CD38: variants seen among roughly 807,000 people sequenced by gnomAD.
The protein encoded by CD38 is CD38 molecule.
CD38 carries 31 observed loss-of-function variants against 36.3 expected under a neutral mutation model. The observed-to-expected ratio is 0.85, with a 90% CI of 0.64 to 1.15. The LOEUF is 1.15. Among genes scored for constraint, CD38 ranks in the 50% most tolerant of loss-of-function variants. CD38 has a pLI of 0.00. For synonymous variants in CD38, 131 were observed against 135.2 expected, an observed-to-expected ratio of 0.97 and a Z score of 0.22; for missense variants, 380 against 371.9, an observed-to-expected ratio of 1.02 and a Z score of -0.18.
At chr4:15,836,235 T>C (rs927712748) in intron 4 of CD38, among the ~76,000 whole-genome samples, 1 of 152,148 alleles carries the variant, frequency 6.6e-6, no homozygotes, top group Non-Finnish European at 1.5e-5. Context: ...AGATTCAATG[T>C]CTGGTGAGGG....
At chr4:15,836,229 T>G (rs1724067682) in intron 4 of CD38, among the ~76,000 whole-genome samples, 1 of 152,164 alleles carries the variant, frequency 6.6e-6, no homozygotes, top group South Asian at 2.1e-4. Flanking sequence ...GCCAGCAGAT[T>G]CAATGTCTGG....
chr4:15,832,307 T>C (rs1182087597), intron 3 of CD38, among the ~76,000 whole-genome samples: 1 of 152,246 alleles, frequency 6.6e-6, no homozygotes, highest in Non-Finnish European at 1.5e-5. Flanking sequence ...CATGTATTCC[T>C]GGATGGTCTT....
intron 3 of CD38, chr4:15,825,640 G>A (rs1723830789): frequency 6.6e-6 from 1 of 152,314 alleles, no homozygotes; most frequent in Non-Finnish European, 1.5e-5. Flanking sequence ...TCAGAGTTGG[G>A]GATTGCCCAT....
At chr4:15,825,321 CATTT>C (rs1560316688) in intron 3 of CD38, 1 of 323,112 alleles carries the variant, frequency 3.1e-6, no homozygotes, top group Admixed American at 4.4e-5. Flanking sequence ...GGGGAGCTGG[CATTT>C]ACAGAGATCA....
At chr4:15,784,400 G>A (rs570529325) in intron 1 of CD38, among the ~76,000 whole-genome samples, 11 of 152,214 alleles carry the variant, frequency 7.2e-5, no homozygotes, top group Admixed American at 6.5e-5. Flanking sequence ...AAATCCTGGC[G>A]GTCAGGTAAG....
At chr4:15,811,529 T>G (rs1723469483) in intron 1 of CD38, among the ~76,000 whole-genome samples, 3 of 148,838 alleles carry the variant, frequency 2.0e-5, no homozygotes, top group Non-Finnish European at 4.5e-5. Context: ...AAAAGTGTTG[T>G]TTTTTTTTTC....
intron 1 of CD38, among the ~76,000 whole-genome samples, chr4:15,799,431 CT>C (rs1344152196): frequency 6.6e-6 from 1 of 152,110 alleles, no homozygotes; most frequent in Non-Finnish European, 1.5e-5. Context: ...TAGAACATGT[CT>C]GCTTTCTGTT....
intron 1 of CD38, among the ~76,000 whole-genome samples, chr4:15,788,397 C>T (rs1722887977): frequency 1.3e-5 from 2 of 152,012 alleles, no homozygotes; most frequent in Admixed American, 1.3e-4. Context: ...CGTTATCCGC[C>T]CCCAGGAAGA....
intron 4 of CD38, among the ~76,000 whole-genome samples, chr4:15,836,095 T>TA (rs563386821): frequency 3.5e-4 from 54 of 152,328 alleles, no homozygotes; most frequent in Admixed American, 9.8e-4. Context: ...ATGTATTTGT[T>TA]AAGTGCATAT....
intron 1 of CD38, among the ~76,000 whole-genome samples, chr4:15,792,458 G>GAAAAAAAAAAAAAAAA (rs1249314137): frequency 3.9e-5 from 5 of 129,188 alleles, no homozygotes; most frequent in African/African-American, 6.3e-5. Flanking sequence ...AATGAATCAA[G>GAAAAAAAAAAAAAAAA]AAAAAAAAAG....
At chr4:15,839,883 G>C (rs969813441) in intron 5 of CD38, 143 bp from the exon 6 acceptor site, 2 of 691,410 alleles carry the variant, frequency 2.9e-6, no homozygotes, top group Non-Finnish European at 2.7e-6. Context: ...ATAAGAAAAG[G>C]TTATTGACTG....
At chr4:15,825,530 A>G (rs1057111778) in intron 3 of CD38, 2 of 152,948 alleles carry the variant, frequency 1.3e-5, no homozygotes, top group African/African-American at 4.8e-5. Context: ...GAATTTCAAC[A>G]TAAGGTTTGG....
intron 7 of CD38, among the ~76,000 whole-genome samples, chr4:15,841,566 C>T (rs2148928946): frequency 6.7e-6 from 1 of 148,298 alleles, no homozygotes; most frequent in African/African-American, 2.6e-5. Context: ...GCCAAGATGG[C>T]CGAATAGGAA....
chr4:15,835,874 T>A (rs569802491), intron 4 of CD38, among the ~76,000 whole-genome samples: 17 of 152,332 alleles, frequency 1.1e-4, no homozygotes, highest in Admixed American at 5.2e-4. Context: ...CATCTATTTC[T>A]AACTTTACTC....
intron 1 of CD38, among the ~76,000 whole-genome samples, chr4:15,787,134 A>C (rs1722855893): frequency 6.6e-6 from 1 of 152,198 alleles, no homozygotes; most frequent in Admixed American, 6.5e-5. Context: ...GGCCTGGGCC[A>C]GCCCAGAGAG....
intron 3 of CD38, chr4:15,825,630 T>C (rs1327370864): frequency 6.6e-6 from 1 of 152,322 alleles, no homozygotes; most frequent in Non-Finnish European, 1.5e-5. Flanking sequence ...AAAATTGACT[T>C]CAGAGTTGGG....
intron 1 of CD38, among the ~76,000 whole-genome samples, chr4:15,805,942 T>C (rs1392841249): frequency 1.3e-5 from 2 of 152,228 alleles, no homozygotes; most frequent in Non-Finnish European, 2.9e-5. Context: ...ACGAGTGTAA[T>C]TACCCTGCAA....
intron 3 of CD38, among the ~76,000 whole-genome samples, chr4:15,827,014 TA>T (rs966024858): frequency 6.6e-6 from 1 of 152,218 alleles, no homozygotes; most frequent in Non-Finnish European, 1.5e-5. Flanking sequence ...CTTTATAAAT[TA>T]ATAAGAGCTA....
In CD38 at chr4:15,853,110, CTA is replaced by C. The variant is rs1248207768; in HGVS notation, c.*4510_*4511del. Reference sequence around the variant, plus strand: ...TGCAAGTAGCGCAAGGCGGTGGAAACTATGGAATTCGGAGGCAGGTGATGCAT... The same window carrying C: ...TGCAAGTAGCGCAAGGCGGTGGAAACTGGAATTCGGAGGCAGGTGATGCAT... On this transcript the variant is annotated 3_prime_UTR_variant, in exon 8 of 8. Transcript: ENST00000226279. 6.6e-6 allele frequency: 1 copy of C among 152,172 alleles called. No homozygotes were observed. Among genetic ancestry groups the C allele is most frequent in the African/African-American group, 2.4e-5 (1 of 41,436 alleles). 9.4% of individuals were successfully genotyped at this position (152,172 alleles called of 1,614,324 possible).
Sources: gnomAD v4.1 joint callset for allele counts (sites outside exome capture counted in the v4.1 genomes callset) on GRCh38, gnomAD v4.1.1 for gene constraint, MANE v1.5 for transcripts, NCBI Gene and HGNC (gene_info 2026-07-23, HGNC 2026-07-21) for gene names.